The following ITGA10 variants were observed in gnomAD, a reference collection of about 807,000 sequenced individuals.
ITGA10 encodes the protein integrin alpha-10.
ITGA10 carries 105 observed loss-of-function variants against 145.2 expected under a neutral mutation model. That is an observed-to-expected ratio of 0.72 (90% confidence interval 0.62 to 0.85). The LOEUF (loss-of-function observed/expected upper bound fraction) is 0.85. Among genes scored for constraint, ITGA10 ranks in the 40% least tolerant of loss-of-function variants. ITGA10 has a pLI of 0.00. For missense variants in ITGA10, 1,317 were observed against 1,444.5 expected, an observed-to-expected ratio of 0.91 and a Z score of 1.43; for synonymous variants, 506 against 557.8, an observed-to-expected ratio of 0.91 and a Z score of 1.31.
intron 5 of ITGA10, among the ~76,000 whole-genome samples, chr1:145,905,312 C>T (rs1193528617): frequency 6.6e-6 from 1 of 151,642 alleles, no homozygotes; most frequent in Non-Finnish European, 1.5e-5. Context: ...CAGAGTCTCG[C>T]TCTATTGCCC....
chr1:145,897,486 T>C (rs587675241), intron 20 of ITGA10, 26 bp downstream of exon 20: 1 of 1,612,920 alleles, frequency 6.2e-7, no homozygotes, highest in East Asian at 2.2e-5. Flanking sequence ...TCTTTCCTTC[T>C]CCCACACCCC....
In ITGA10 at chr1:145,895,323, G is replaced by A; in HGVS notation, c.3185C>T (p.Ser1062Phe). ...LGQLAKGTEV[S>F]VGLLRLVHNE... ...GTGAACCAGCCTCAATAGTCCAACA[G>A]AGACCTCAGTCCCCTTTGCCAGCTG... Residue 1062 changes from serine to phenylalanine, a missense_variant, in exon 27 of 30, where the codon TCT (serine) becomes TTT (phenylalanine). Coordinates refer to ENST00000369304, the MANE Select transcript of ITGA10 (RefSeq NM_003637.5). 1 of 1,614,132 alleles carries A rather than the reference G, an allele frequency of 6.2e-7. No individual in the cohort carries two copies. The highest frequency in any genetic ancestry group is 8.5e-7 in the Non-Finnish European group (1 of 1,180,006).
chr1:145,908,062 G>A (rs1553752000), intron 1 of ITGA10, among the ~76,000 whole-genome samples: 3 of 152,126 alleles, frequency 2.0e-5, no homozygotes, highest in East Asian at 1.9e-4. Context: ...GAGCCACCGC[G>A]CCTGGCTACT....
intron 1 of ITGA10, among the ~76,000 whole-genome samples, chr1:145,908,222 T>C (rs1429811815): frequency 1.3e-5 from 2 of 152,144 alleles, no homozygotes; most frequent in East Asian, 3.9e-4. Flanking sequence ...GCACTGCATG[T>C]CTGGCTCTCT....
chr1:145,901,889 C>G lies in ITGA10; in HGVS notation c.1282G>C (p.Ala428Pro). 2 of 1,614,124 alleles carry G rather than the reference C, an allele frequency of 1.2e-6. No individual in the cohort carries two copies. The highest frequency in any genetic ancestry group is 1.7e-6 in the Non-Finnish European group (2 of 1,180,000). The change falls in exon 11 of 30, where the codon GCA becomes CCA. Residue 428 changes from alanine (A) to proline (P), a missense_variant. Ala to Pro is a conservative substitution (Grantham distance 27, BLOSUM62 -1). Coordinates refer to ENST00000369304, the MANE Select transcript of ITGA10 (RefSeq NM_003637.5). The surrounding 1 kb of genome is among the most constrained non-coding windows in gnomAD (Gnocchi z 4.3). ...CTCTGCTGCTCACCCAGGTAGGCTGCATGGTTCTGCAATGCAGGGGGGAAC... is the reference window on the plus strand; with the variant it reads ...CTCTGCTGCTCACCCAGGTAGGCTGGATGGTTCTGCAATGCAGGGGGGAAC... ...DEFPPALQNH[A>P]AYLGYSVSSM...
In ITGA10 at chr1:145,895,334, C is replaced by T; in HGVS notation, c.3174G>A (p.Gly1058=). ...TCAATAGTCCAACAGAGACCTCAGT[C>T]CCCTTTGCCAGCTGCCCAAGGTGGC... ...VRCHLGQLAK[G]TEVSVGLLRL... Residue 1058 remains glycine (G), a synonymous_variant, in exon 27 of 30, where the codon GGG becomes GGA. Coordinates refer to ENST00000369304, the MANE Select transcript of ITGA10 (RefSeq NM_003637.5). The T allele has an allele frequency of 6.2e-7, 1 of 1,614,148 alleles. No homozygotes were observed. Among genetic ancestry groups the T allele is most frequent in the Non-Finnish European group, 8.5e-7 (1 of 1,180,000 alleles).
intron 1 of ITGA10, among the ~76,000 whole-genome samples, chr1:145,909,703 C>CA (rs61328463): frequency 0.84 from 113,606 of 134,644 alleles, 48,536 homozygotes; most frequent in Non-Finnish European, 0.91. Context: ...TATAATTATA[C>CA]ATTATATATT....
At chr1:145,907,548 T>C in intron 1 of ITGA10, 83 bp from the exon 2 acceptor site, 1 of 1,580,370 alleles carries the variant, frequency 6.3e-7, no homozygotes, top group Non-Finnish European at 8.6e-7. Flanking sequence ...GGAAGCGTCT[T>C]AATCTCAGTC....
Position 145,904,061 on chromosome 1 carries a change from A to C in ITGA10, c.749T>G (p.Met250Arg). The C allele has an allele frequency of 6.2e-7, 1 of 1,613,740 alleles. No individual in the cohort carries two copies. Among genetic ancestry groups the C allele is most frequent in the Non-Finnish European group, 8.5e-7 (1 of 1,179,916 alleles). Residue 250 changes from methionine to arginine, a missense_variant, in exon 7 of 30, where the codon ATG (methionine) becomes AGG (arginine). Transcript: ENST00000369304. Reference sequence around the variant, plus strand: ...CTTCCCAATGCCTCACCAGGCCACCATTATTGCTTGGGCAGTCTTTGTTTC... The same window carrying C: ...CTTCCCAATGCCTCACCAGGCCACCCTTATTGCTTGGGCAGTCTTTGTTTC... ...GRETKTAQAIMVACTEGFSQS... is the reference protein window; with the variant it reads ...GRETKTAQAIRVACTEGFSQS...
At position 145,899,264 on chromosome 1, in the gene ITGA10, C is replaced by T. The variant is rs1553746903; in HGVS notation, c.2000G>A (p.Arg667Lys). 13 of 1,614,250 alleles carry T rather than the reference C, an allele frequency of 8.1e-6. No homozygotes were observed. Among genetic ancestry groups the T allele is most frequent in the Non-Finnish European group, 1.0e-5 (12 of 1,180,046 alleles). Residue 667 changes from arginine (R) to lysine (K), a missense_variant, in exon 16 of 30, where the codon AGG becomes AAG. Arg to Lys is a conservative substitution (Grantham distance 26). Coordinates refer to ENST00000369304, the MANE Select transcript of ITGA10 (RefSeq NM_003637.5). ...ACAGACTGCCTCTTGGCCTCGCCGC[C>T]TACAGTCCCTCTGAACCACACTGAT... ...QAISVVQRDCRRRGQEAVCLT... is the reference protein window; with the variant it reads ...QAISVVQRDCKRRGQEAVCLT...
rs114045269 is a variant in ITGA10 at position 145,906,730 on chromosome 1, C to T, written c.366+3G>A. 2,810 of 1,604,758 alleles carry T rather than the reference C, an allele frequency of 1.8e-3. 47 individuals carry two copies. The African/African-American group carries it at 0.033, about 19-fold the overall frequency. On this transcript the variant is annotated splice_donor_region_variant and intron_variant, in intron 4 of 29. Transcript: ENST00000369304. ...CACTGCCACCACCCTCTCCTTAGCT[C>T]ACCATGAATCCCCCATCACCATCTG...
chr1:145,896,750 C>A lies in ITGA10; in HGVS notation c.2834+19G>T. The stretch of plus-strand genomic sequence containing the variant: ...AGTCTGAGGTCAGAACTGGGTCCCA[C>A]CCTAGAAGCTGGGCATACCTAGAGA... On this transcript the variant is annotated intron_variant, in intron 23 of 29. Transcript: ENST00000369304. 1 of 1,593,520 alleles carries A rather than the reference C, an allele frequency of 6.3e-7. No homozygotes were observed. The highest frequency in any genetic ancestry group is 8.6e-7 in the Non-Finnish European group (1 of 1,161,272).
intron 6 of ITGA10, 27 bp from the exon 7 acceptor site, chr1:145,904,227 A>G (rs1446816425): frequency 6.2e-7 from 1 of 1,611,828 alleles, no homozygotes; most frequent in Non-Finnish European, 8.5e-7. Context: ...TTCAAATGAA[A>G]TGTATGTATG....
At chr1:145,903,546 T>C (rs1219043605) in intron 7 of ITGA10, among the ~76,000 whole-genome samples, 5 of 152,114 alleles carry the variant, frequency 3.3e-5, no homozygotes, top group African/African-American at 4.8e-5. Flanking sequence ...GACAGCCCAC[T>C]TAGCCTTCCT....
At position 145,904,767 on chromosome 1, in the gene ITGA10, T is replaced by G. The variant is rs1553750526; in HGVS notation, c.526A>C (p.Asn176His). 6.2e-7 allele frequency: 1 copy of G among 1,613,976 alleles called. No individual in the cohort carries two copies. The highest frequency in any genetic ancestry group is 8.5e-7 in the Non-Finnish European group (1 of 1,179,898). The change falls in exon 6 of 30, where the codon AAC becomes CAC. Residue 176 changes from asparagine to histidine, a missense_variant. By Grantham distance (68) the Asn-to-His change is moderately conservative (BLOSUM62 1). Transcript: ENST00000369304. ...MDVVIVLDGSNSIYPWSEVQT... is the reference protein window; with the variant it reads ...MDVVIVLDGSHSIYPWSEVQT... ...ACTTCAGACCAGGGGTAGATGCTGT[T>G]GGAGCCATCCAAGACAATGACAACA... is the stretch of plus-strand genomic sequence containing the variant.
chr1:145,894,278 A>AT (rs1302606777), intron 27 of ITGA10, among the ~76,000 whole-genome samples: 2 of 151,470 alleles, frequency 1.3e-5, no homozygotes, highest in Non-Finnish European at 1.5e-5. Flanking sequence ...CACCTGGCTA[A>AT]TTTTTTTATT....
At chr1:145,899,129 C>T in intron 16 of ITGA10, 46 bp downstream of exon 16, 1 of 1,614,114 alleles carries the variant, frequency 6.2e-7, no homozygotes, top group East Asian at 2.2e-5. Flanking sequence ...GTGAGGAAGG[C>T]ATGCAAGGAA....
intron 1 of ITGA10, among the ~76,000 whole-genome samples, chr1:145,908,518 G>A (rs975634467): frequency 3.3e-5 from 5 of 152,004 alleles, no homozygotes; most frequent in African/African-American, 4.8e-5. Flanking sequence ...AAAGGTGCCC[G>A]ACCCTAGCTA....
rs1285489423 is a variant in ITGA10, at chr1:145,891,554, G to C, written c.*1244C>G. ...CTATGAGAATCCAACTGCCTTTACT[G>C]TCCATGACCCAAATATGGAGTGGGT... is the stretch of plus-strand genomic sequence containing the variant. On this transcript the variant is annotated 3_prime_UTR_variant, in exon 30 of 30. Transcript: ENST00000369304. 6 of 152,440 alleles carry C rather than the reference G, an allele frequency of 3.9e-5. 1 individual carries two copies. Among genetic ancestry groups the C allele is most frequent in the Admixed American group, 3.9e-4 (6 of 15,296 alleles). The allele number at this position is 152,440 out of a possible 1,614,324, so 9.4% of individuals were successfully genotyped here.
Sources: gnomAD v4.1 joint callset for allele counts (sites outside exome capture counted in the v4.1 genomes callset) on GRCh38, gnomAD v4.1.1 for gene constraint, Gnocchi (gnomAD v3.1) non-coding constraint, MANE v1.5 for transcripts, NCBI Gene and HGNC (gene_info 2026-07-23, HGNC 2026-07-21) for gene names.